Variants in UNC5D observed in about 807,000 individuals in gnomAD.
UNC5D encodes unc-5 netrin receptor D.
UNC5D carries 39 observed loss-of-function variants against 105.4 expected under a neutral mutation model. The observed-to-expected ratio is 0.37, with a 90% confidence interval of 0.29 to 0.48. The LOEUF (loss-of-function observed/expected upper bound fraction) is 0.48. Among genes scored for constraint, UNC5D ranks in the 20% least tolerant of loss-of-function variants. The pLI is 0.98. For missense variants in UNC5D, 991 were observed against 1,202.4 expected, an observed-to-expected ratio of 0.82 and a Z score of 2.60; for synonymous variants, 452 against 450.4, an observed-to-expected ratio of 1.00 and a Z score of -0.04.
chr8:35,239,388 A>G (rs1464629963), intron 1 of UNC5D, among the ~76,000 whole-genome samples: 1 of 151,704 alleles, frequency 6.6e-6, no homozygotes, highest in Admixed American at 6.6e-5. Context: ...ATTTGTTTCT[A>G]TTGTCCTCTT....
At chr8:35,716,860 T>C (rs1183409116) in intron 8 of UNC5D, among the ~76,000 whole-genome samples, 2 of 152,272 alleles carry the variant, frequency 1.3e-5, no homozygotes, top group Non-Finnish European at 2.9e-5. Flanking sequence ...GTTTGCTTCT[T>C]GATGACAACA....
At chr8:35,641,565 C>T (rs1439036798) in intron 4 of UNC5D, among the ~76,000 whole-genome samples, 2 of 151,842 alleles carry the variant, frequency 1.3e-5, no homozygotes, top group East Asian at 3.9e-4. Flanking sequence ...TCATATTCTA[C>T]AATTTGTAAT....
chr8:35,427,491 G>A (rs528178654), intron 1 of UNC5D, among the ~76,000 whole-genome samples: 10 of 152,314 alleles, frequency 6.6e-5, no homozygotes, highest in African/African-American at 2.4e-4. Context: ...TTTTAGCAGG[G>A]TGGATGTCAA....
intron 1 of UNC5D, among the ~76,000 whole-genome samples, chr8:35,462,200 A>C (rs1808943498): frequency 6.6e-6 from 1 of 152,164 alleles, no homozygotes. Context: ...AATCTAGCAA[A>C]TTTAGCAATC....
chr8:35,280,010 T>A (rs1371647281), intron 1 of UNC5D, among the ~76,000 whole-genome samples: 1 of 152,194 alleles, frequency 6.6e-6, no homozygotes, highest in Admixed American at 6.5e-5. Context: ...TCTTTCTTTT[T>A]TTTGAGACAG....
chr8:35,448,803 A>G (rs1201905658), intron 1 of UNC5D, among the ~76,000 whole-genome samples: 2 of 152,040 alleles, frequency 1.3e-5, no homozygotes, highest in Non-Finnish European at 1.5e-5. Context: ...CTGTTATTCT[A>G]TACTCTATGT....
intron 1 of UNC5D, among the ~76,000 whole-genome samples, chr8:35,376,621 T>A (rs996163259): frequency 1.8e-4 from 28 of 152,284 alleles, no homozygotes; most frequent in South Asian, 4.1e-4. Context: ...TGGGAAGACA[T>A]GTCCTAAAAA....
At chr8:35,700,118 C>T (rs1383001967) in intron 7 of UNC5D, among the ~76,000 whole-genome samples, 2 of 152,220 alleles carry the variant, frequency 1.3e-5, no homozygotes, top group Admixed American at 1.3e-4. Context: ...ACTGCTAATA[C>T]AAGGCCTATC....
At chr8:35,288,411 C>T (rs1261055656) in intron 1 of UNC5D, among the ~76,000 whole-genome samples, 1 of 151,616 alleles carries the variant, frequency 6.6e-6, no homozygotes, top group African/African-American at 2.4e-5. Flanking sequence ...TAAAAACAGA[C>T]AAACAAAAGC....
At chr8:35,332,073 A>G (rs1331942153) in intron 1 of UNC5D, among the ~76,000 whole-genome samples, 1 of 152,218 alleles carries the variant, frequency 6.6e-6, no homozygotes, top group East Asian at 1.9e-4. Context: ...GATGCCTTAC[A>G]TTGACATCTT....
chr8:35,383,819 C>T (rs914396395), intron 1 of UNC5D, among the ~76,000 whole-genome samples: 3 of 152,170 alleles, frequency 2.0e-5, no homozygotes, highest in Non-Finnish European at 4.4e-5. Context: ...AGACTCACAC[C>T]TGTAATCCCA....
chr8:35,743,794 T>C (rs932505368), intron 11 of UNC5D, among the ~76,000 whole-genome samples: 50 of 152,082 alleles, frequency 3.3e-4, no homozygotes, highest in Non-Finnish European at 5.0e-4. Context: ...CATATGTGTA[T>C]TTTTTAACCG....
intron 16 of UNC5D, among the ~76,000 whole-genome samples, chr8:35,782,130 G>T (rs1802528835): frequency 6.6e-6 from 1 of 152,166 alleles, no homozygotes; most frequent in Non-Finnish European, 1.5e-5. Flanking sequence ...TGCAGCACTG[G>T]CTTACTTTAT....
chr8:35,447,216 G>C (rs1807853911), intron 1 of UNC5D, among the ~76,000 whole-genome samples: 1 of 152,072 alleles, frequency 6.6e-6, no homozygotes, highest in Admixed American at 6.6e-5. Context: ...GTATTTTGTA[G>C]ATGTACAATC....
chr8:35,394,027 G>T, intron 1 of UNC5D, among the ~76,000 whole-genome samples: 1 of 149,284 alleles, frequency 6.7e-6, no homozygotes. Flanking sequence ...CACTCGTTTT[G>T]GTTTATCTTT....
At chr8:35,584,355 T>C (rs946219650) in intron 3 of UNC5D, among the ~76,000 whole-genome samples, 2 of 151,756 alleles carry the variant, frequency 1.3e-5, no homozygotes, top group Non-Finnish European at 2.9e-5. Flanking sequence ...ATGAAATAAC[T>C]CAGAGGAAAG....
At chr8:35,656,565 A>G (rs1461915360) in intron 4 of UNC5D, among the ~76,000 whole-genome samples, 1 of 152,082 alleles carries the variant, frequency 6.6e-6, no homozygotes, top group Non-Finnish European at 1.5e-5. Context: ...TTCCTCCTTA[A>G]TTCTCAAATC....
chr8:35,787,175 G>A (rs1456706342), intron 16 of UNC5D, among the ~76,000 whole-genome samples: 1 of 152,182 alleles, frequency 6.6e-6, no homozygotes, highest in African/African-American at 2.4e-5. Flanking sequence ...GTATAGAATA[G>A]AGTGTTAACT....
At chr8:35,394,676 C>G (rs1803990978) in intron 1 of UNC5D, among the ~76,000 whole-genome samples, 1 of 151,302 alleles carries the variant, frequency 6.6e-6, no homozygotes, top group African/African-American at 2.4e-5. Flanking sequence ...AATATGAAAG[C>G]AAAAACTACA....
Sources: allele counts gnomAD v4.1 joint callset (sites outside exome capture counted in the v4.1 genomes callset), GRCh38; gene constraint gnomAD v4.1.1; transcripts MANE v1.5; gene names NCBI Gene and HGNC (gene_info 2026-07-23, HGNC 2026-07-21).